The following DPH6 variants were observed in gnomAD, a reference collection of about 807,000 sequenced individuals.
DPH6 encodes diphthine--ammonia ligase.
In DPH6, 33 loss-of-function variants were observed where a neutral mutation model predicts 38.2. The observed-to-expected ratio is 0.86, with a 90% CI of 0.65 to 1.15. DPH6 has a LOEUF of 1.15. Ranked by LOEUF, DPH6 falls within the 50% of genes most tolerant of loss-of-function variation. The pLI is 0.00. For synonymous variants in DPH6, 108 were observed against 103.0 expected (o/e 1.05, Z -0.30); for missense variants, 325 against 320.0 (o/e 1.02, Z -0.12).
At chr15:35,508,220 C>A (rs2054721947) in intron 3 of DPH6, among the ~76,000 whole-genome samples, 1 of 152,042 alleles carries the variant, frequency 6.6e-6, no homozygotes, top group Non-Finnish European at 1.5e-5. Context: ...CTTTGCCCAA[C>A]AAATAGCAAA....
rs2141170269 is a variant in DPH6, at chr15:35,490,103, C to A, written c.313-35283G>T. ...TTGGCCTAAATCTCTTCCAGGCTCA[C>A]CAGCTCTTTTTCAACTGCACTTCAA... On this transcript the variant is annotated intron_variant, in intron 3 of 8. Transcript: ENST00000256538. The A allele has an allele frequency of 6.1e-6, 6 of 985,372 alleles. No individual in the cohort carries two copies. In the South Asian group the frequency reaches 1.9e-4, roughly 31 times the overall value. 61.0% of individuals were successfully genotyped at this position (985,372 alleles called of 1,614,324 possible). A position where few individuals can be genotyped will look rare whatever the true frequency, so the allele number is the denominator to read the frequency against.
At chr15:35,181,597 C>T in the DPH6 span, among the ~76,000 whole-genome samples, 1 of 152,098 alleles carries the variant, frequency 6.6e-6, no homozygotes, top group South Asian at 2.1e-4. Context: ...TAATGTACTA[C>T]TTTAACTGTC....
intron 3 of DPH6, among the ~76,000 whole-genome samples, chr15:35,363,506 C>T (rs901363184): frequency 1.3e-5 from 2 of 151,814 alleles, no homozygotes; most frequent in Non-Finnish European, 2.9e-5. Context: ...CTTTCTGTGC[C>T]CTTATTTTTA....
At chr15:35,392,394 G>T (rs1595525404) in intron 6 of DPH6, among the ~76,000 whole-genome samples, 1 of 138,798 alleles carries the variant, frequency 7.2e-6, no homozygotes. Context: ...TTATCTGTTA[G>T]TCATTTTAAA....
chr15:35,302,549 C>T (rs954765258), intron 3 of DPH6, among the ~76,000 whole-genome samples: 1 of 152,008 alleles, frequency 6.6e-6, no homozygotes, highest in African/African-American at 2.4e-5. Context: ...ATGACACAGG[C>T]AAGACAAGAT....
downstream of DPH6, among the ~76,000 whole-genome samples, chr15:35,368,475 C>T (rs1333022602): frequency 2.6e-5 from 4 of 151,820 alleles, no homozygotes; most frequent in Non-Finnish European, 5.9e-5. Context: ...GGGAGTCATA[C>T]ACTAGAAAGA....
chr15:35,341,167 G>C (rs950673134), intron 3 of DPH6, among the ~76,000 whole-genome samples: 2 of 152,080 alleles, frequency 1.3e-5, no homozygotes, highest in Non-Finnish European at 2.9e-5. Flanking sequence ...AGTCTATTCT[G>C]CTATTGATAC....
intron 3 of DPH6, among the ~76,000 whole-genome samples, chr15:35,474,603 T>A (rs1235121776): frequency 6.6e-6 from 1 of 152,114 alleles, no homozygotes; most frequent in East Asian, 1.9e-4. Flanking sequence ...TTAGGAACCA[T>A]GAGAAAAAGA....
chr15:35,197,453 C>T, the DPH6 span, among the ~76,000 whole-genome samples: 3 of 151,812 alleles, frequency 2.0e-5, no homozygotes, highest in Non-Finnish European at 4.4e-5. Flanking sequence ...CCTGCCTCCC[C>T]AAAAGAGAAA....
At chr15:35,204,631 A>G in the DPH6 span, among the ~76,000 whole-genome samples, 23 of 151,782 alleles carry the variant, frequency 1.5e-4, no homozygotes, top group Admixed American at 1.5e-3. Context: ...AAGAACTTTC[A>G]TGAGAAAAAC....
At chr15:35,247,452 G>C (rs998904231) in intron 3 of DPH6, among the ~76,000 whole-genome samples, 1 of 152,178 alleles carries the variant, frequency 6.6e-6, no homozygotes, top group African/African-American at 2.4e-5. Flanking sequence ...ATCCTGGCCT[G>C]CCAGCTTTCA....
chr15:35,251,635 A>C (rs140057463), intron 3 of DPH6, among the ~76,000 whole-genome samples: 117 of 152,344 alleles, frequency 7.7e-4, no homozygotes, highest in African/African-American at 2.8e-3. Flanking sequence ...CAGATACGCT[A>C]GTCTCTCACC....
chr15:35,499,937 A>G (rs2054604896), intron 3 of DPH6, among the ~76,000 whole-genome samples: 1 of 152,164 alleles, frequency 6.6e-6, no homozygotes, highest in Non-Finnish European at 1.5e-5. Flanking sequence ...TTTGCTAAAG[A>G]AATCATCCAG....
intron 6 of DPH6, among the ~76,000 whole-genome samples, chr15:35,410,315 G>A (rs1282935161): frequency 6.6e-6 from 1 of 151,732 alleles, no homozygotes; most frequent in Non-Finnish European, 1.5e-5. Flanking sequence ...TTAATAGAAA[G>A]AGTAAATGAA....
At chr15:35,315,401 C>T (rs1202592035) in intron 3 of DPH6, among the ~76,000 whole-genome samples, 1 of 152,146 alleles carries the variant, frequency 6.6e-6, no homozygotes, top group African/African-American at 2.4e-5. Flanking sequence ...TGTAATGGTT[C>T]CTATTTTAAT....
chr15:35,333,610 C>G (rs967235856), intron 3 of DPH6, among the ~76,000 whole-genome samples: 1 of 151,934 alleles, frequency 6.6e-6, no homozygotes, highest in African/African-American at 2.4e-5. Context: ...ACTGAGCGTA[C>G]CTGTAAGAAA....
intron 3 of DPH6, among the ~76,000 whole-genome samples, chr15:35,352,614 C>T (rs547591945): frequency 1.3e-5 from 2 of 152,324 alleles, no homozygotes; most frequent in African/African-American, 4.8e-5. Context: ...ATGAACTCAT[C>T]ATTTTTTATG....
At chr15:35,279,208 C>T (rs961092419) in intron 3 of DPH6, among the ~76,000 whole-genome samples, 1 of 151,734 alleles carries the variant, frequency 6.6e-6, no homozygotes, top group Non-Finnish European at 1.5e-5. Flanking sequence ...AATAAGTGCA[C>T]CACCATTGTA....
intron 3 of DPH6, among the ~76,000 whole-genome samples, chr15:35,321,522 A>C (rs763968632): frequency 3.9e-5 from 6 of 152,256 alleles, no homozygotes; most frequent in Non-Finnish European, 7.3e-5. Context: ...TGAAGGGCAC[A>C]AAGAAGGGAG....
Sources: gnomAD v4.1 joint callset for allele counts (sites outside exome capture counted in the v4.1 genomes callset) on GRCh38, gnomAD v4.1.1 for gene constraint, MANE v1.5 for transcripts, NCBI Gene and HGNC (gene_info 2026-07-23, HGNC 2026-07-21) for gene names.